Variants in ARMC9 observed in about 807,000 individuals in gnomAD.
ARMC9 encodes lisH domain-containing protein ARMC9.
Under a neutral mutation model 107.0 loss-of-function variants are expected in ARMC9, and 94 were observed. That is an observed-to-expected ratio of 0.88 (90% CI 0.74 to 1.04). The LOEUF is 1.04. ARMC9 is among the 50% of genes least tolerant of loss of function. The pLI, the probability that ARMC9 is intolerant of heterozygous loss-of-function variation, is 0.00. For synonymous variants in ARMC9, 380 were observed against 396.9 expected (o/e 0.96, Z 0.51); for missense variants, 942 against 1,030.1 (o/e 0.91, Z 1.17).
At chr2:231,215,675 A>G (rs1386084765) in intron 4 of ARMC9, among the ~76,000 whole-genome samples, 2 of 152,208 alleles carry the variant, frequency 1.3e-5, no homozygotes, top group Admixed American at 6.6e-5. Flanking sequence ...AAATGACAGA[A>G]GGGCAGCAGA....
chr2:231,272,001 T>C (rs1311842252), intron 13 of ARMC9, among the ~76,000 whole-genome samples: 2 of 151,726 alleles, frequency 1.3e-5, no homozygotes, highest in African/African-American at 4.8e-5. Flanking sequence ...CAGGATTTCA[T>C]GGAAAAAAAA....
chr2:231,203,695 C>T (rs1481357467), intron 1 of ARMC9, among the ~76,000 whole-genome samples: 3 of 152,162 alleles, frequency 2.0e-5, no homozygotes, highest in Non-Finnish European at 1.5e-5. Flanking sequence ...CGTGGTGGCT[C>T]ATGCCTGTAA....
intron 19 of ARMC9, among the ~76,000 whole-genome samples, chr2:231,323,284 T>C (rs1229207024): frequency 1.3e-5 from 2 of 152,200 alleles, no homozygotes; most frequent in African/African-American, 4.8e-5. Flanking sequence ...CCTCTTGGCC[T>C]CACCTCTGGG....
chr2:231,222,179 AGC>A (rs2034211713), intron 5 of ARMC9, among the ~76,000 whole-genome samples: 1 of 152,180 alleles, frequency 6.6e-6, no homozygotes, highest in Admixed American at 6.5e-5. Flanking sequence ...CTTCTTGATG[AGC>A]ATTATTTGAG....
At chr2:231,281,466 C>T (rs1426212456) in intron 16 of ARMC9, among the ~76,000 whole-genome samples, 3 of 152,096 alleles carry the variant, frequency 2.0e-5, no homozygotes, top group Non-Finnish European at 4.4e-5. Flanking sequence ...GTGTGCCACA[C>T]CAAGGAGTTC....
At chr2:231,308,419 G>A (rs1351210942) in intron 19 of ARMC9, among the ~76,000 whole-genome samples, 1 of 152,212 alleles carries the variant, frequency 6.6e-6, no homozygotes, top group Non-Finnish European at 1.5e-5. Flanking sequence ...GCAGGCTGCA[G>A]CGGGAGTGGG....
At chr2:231,302,931 G>A (rs2125497270) in intron 19 of ARMC9, among the ~76,000 whole-genome samples, 1 of 152,292 alleles carries the variant, frequency 6.6e-6, no homozygotes, top group African/African-American at 2.4e-5. Context: ...CTGAACCCGG[G>A]ATGCGGAGAT....
intron 5 of ARMC9, among the ~76,000 whole-genome samples, chr2:231,222,371 C>T (rs184885599): frequency 2.0e-5 from 3 of 152,234 alleles, no homozygotes; most frequent in African/African-American, 4.8e-5. Context: ...GTTTATGTTA[C>T]GCCTCCCAGT....
In ARMC9 at chr2:231,375,152, T is replaced by A. The variant is rs1036661152; in HGVS notation, c.*3617T>A. ...TGGGGGCTGGGCACGGACAGGCGATTCTTCTGCTGGGCTTGGCTGAACTCA... is the reference window on the plus strand; with the variant it reads ...TGGGGGCTGGGCACGGACAGGCGATACTTCTGCTGGGCTTGGCTGAACTCA... On this transcript the variant is annotated 3_prime_UTR_variant, in exon 25 of 25. Transcript: ENST00000611582. The surrounding 1 kb of genome is among the most constrained non-coding windows in gnomAD (Gnocchi z 4.3). Among the ~76,000 whole-genome samples the A allele has an allele frequency of 6.6e-6, 1 of 152,228 alleles. No homozygotes were observed. Among genetic ancestry groups the A allele is most frequent in the African/African-American group, 2.4e-5 (1 of 41,454 alleles).
chr2:231,265,804 T>A (rs1199599632), intron 12 of ARMC9, among the ~76,000 whole-genome samples: 2 of 151,962 alleles, frequency 1.3e-5, no homozygotes, highest in African/African-American at 4.8e-5. Context: ...GGTCAGGTGT[T>A]TGAGACCAGC....
rs1032883261 is a variant in ARMC9, at chr2:231,297,470, C to T, written c.1773+1217C>T. On this transcript the variant is annotated intron_variant, in intron 19 of 24. Coordinates refer to ENST00000611582, the MANE Select transcript of ARMC9 (RefSeq NM_001352754.2). The surrounding 1 kb of genome is among the most constrained non-coding windows in gnomAD (Gnocchi z 4.2). ...GAACTATTTTAGGGCTTGCAGGCCA[C>T]ACAGTCTCTGTTCCAACCACTCAAT... Among the ~76,000 whole-genome samples, 3 of 152,192 alleles carry T rather than the reference C, an allele frequency of 2.0e-5. No homozygotes were observed. The highest frequency in any genetic ancestry group is 7.2e-5 in the African/African-American group (3 of 41,444).
chr2:231,224,479 T>G (rs947124145), intron 6 of ARMC9, among the ~76,000 whole-genome samples: 2 of 152,148 alleles, frequency 1.3e-5, no homozygotes, highest in Non-Finnish European at 2.9e-5. Flanking sequence ...AAAAAGATCA[T>G]AGTACCTATT....
At chr2:231,260,532 T>C (rs974434489) in intron 11 of ARMC9, among the ~76,000 whole-genome samples, 1 of 152,220 alleles carries the variant, frequency 6.6e-6, no homozygotes, top group African/African-American at 2.4e-5. Flanking sequence ...ACTTGCATGC[T>C]TCTATGGTAG....
intron 6 of ARMC9, 133 bp from the exon 7 acceptor site, chr2:231,226,641 G>A: frequency 9.7e-7 from 1 of 1,029,310 alleles, no homozygotes; most frequent in Non-Finnish European, 1.5e-6. Context: ...GCAACAGTTG[G>A]AGCTGGCCCT....
rs2046099414 is a variant in ARMC9 at position 231,373,373 on chromosome 2, T to C, written c.*1838T>C. The C allele has an allele frequency of 6.6e-6, 1 of 152,266 alleles. No individual in the cohort carries two copies. The highest frequency in any genetic ancestry group is 1.5e-5 in the Non-Finnish European group (1 of 68,076). 9.4% of individuals were successfully genotyped at this position (152,266 alleles called of 1,614,324 possible). On this transcript the variant is annotated 3_prime_UTR_variant, in exon 25 of 25. Coordinates refer to ENST00000611582, the MANE Select transcript of ARMC9 (RefSeq NM_001352754.2). The surrounding 1 kb of genome is among the most constrained non-coding windows in gnomAD (Gnocchi z 4.4). ...TCCACTCCCCTACGGATTCCTCAGA[T>C]GCCACTGGCTGGCACAGCCTTTCCC...
At chr2:231,333,923 T>G (rs1372317404) in intron 20 of ARMC9, among the ~76,000 whole-genome samples, 1 of 152,224 alleles carries the variant, frequency 6.6e-6, no homozygotes, top group East Asian at 1.9e-4. Flanking sequence ...GGTAAACATC[T>G]TCAGTAACAA....
chr2:231,257,276 CTG>C (rs1366036123), intron 10 of ARMC9, among the ~76,000 whole-genome samples: 3 of 152,234 alleles, frequency 2.0e-5, no homozygotes. Flanking sequence ...CTGGTTCACA[CTG>C]TGATCAAGGC....
intron 10 of ARMC9, among the ~76,000 whole-genome samples, chr2:231,257,848 T>G (rs1054439483): frequency 6.6e-6 from 1 of 152,216 alleles, no homozygotes; most frequent in African/African-American, 2.4e-5. Context: ...CCTCATTTAG[T>G]CTCACCAGTT....
chr2:231,213,435 T>G (rs2033134947), intron 3 of ARMC9, among the ~76,000 whole-genome samples: 1 of 151,830 alleles, frequency 6.6e-6, no homozygotes, highest in Admixed American at 6.6e-5. Flanking sequence ...GTGCTGGGAT[T>G]ACAGGTGTGA....
Sources: allele counts gnomAD v4.1 joint callset (sites outside exome capture counted in the v4.1 genomes callset), GRCh38; gene constraint gnomAD v4.1.1; non-coding constraint Gnocchi (gnomAD v3.1); transcripts MANE v1.5; gene names NCBI Gene and HGNC (gene_info 2026-07-23, HGNC 2026-07-21).